AMMECR1: variants seen among roughly 807,000 people sequenced by gnomAD.
AMMECR1 encodes the protein AMMECR nuclear protein 1, also known as nuclear protein AMMECR1.
A neutral mutation model predicts 22.5 loss-of-function variants in AMMECR1; 3 were observed. That is an observed-to-expected ratio of 0.13 (90% confidence interval 0.06 to 0.35). The LOEUF is 0.35. Ranked by LOEUF, AMMECR1 falls within the 10% of genes least tolerant of loss-of-function variation. The pLI, the probability that AMMECR1 is intolerant of heterozygous loss-of-function variation, is 1.00. For missense variants in AMMECR1, 235 were observed against 278.7 expected, an observed-to-expected ratio of 0.84 and a Z score of 1.12; for synonymous variants, 130 against 116.7, an observed-to-expected ratio of 1.11 and a Z score of -0.74.
chrX:110,238,913 G>C (rs928643507), intron 2 of AMMECR1, among the ~76,000 whole-genome samples: 1 of 112,069 alleles, frequency 8.9e-6, no homozygotes, highest in Non-Finnish European at 1.9e-5. Context: ...GACAGGGTCT[G>C]GAGTGGACCT....
intron 1 of AMMECR1, among the ~76,000 whole-genome samples, chrX:110,429,181 T>G (rs1463543804): frequency 8.9e-6 from 1 of 112,124 alleles, no homozygotes; most frequent in African/African-American, 3.2e-5. Context: ...TTTATATGTG[T>G]GTAGTCTTGC....
chrX:110,308,790 C>G (rs1371904533), intron 1 of AMMECR1, among the ~76,000 whole-genome samples: 1 of 110,022 alleles, frequency 9.1e-6, no homozygotes, highest in Non-Finnish European at 1.9e-5. Flanking sequence ...TTGTTTTTGT[C>G]ATTATCATAG....
chrX:110,304,079 A>C (rs2067982088), intron 1 of AMMECR1, among the ~76,000 whole-genome samples: 1 of 112,216 alleles, frequency 8.9e-6, no homozygotes, highest in East Asian at 2.8e-4. Flanking sequence ...TATGCTGCTC[A>C]TTGTAATTCA....
At position 110,335,667 on chromosome X, in the gene AMMECR1, T is replaced by G. The variant is rs185503903; in HGVS notation, c.-147-17818A>C. Among the ~76,000 whole-genome samples the G allele has an allele frequency of 5.5e-4, 62 of 112,068 alleles. 1 individual carries two copies. The East Asian group carries it at 0.014, about 26-fold the overall frequency. On this transcript the variant is annotated intron_variant, in intron 2 of 7. Coordinates refer to the AMMECR1 transcript ENST00000372057. ...TTACCATATCAGTTTCCACTTTACC[T>G]TAGTTGGATAAATTACATCACCCAA...
chrX:110,405,518 T>A (rs2068595245), intron 2 of AMMECR1, among the ~76,000 whole-genome samples: 1 of 112,161 alleles, frequency 8.9e-6, no homozygotes, highest in African/African-American at 3.2e-5. Context: ...TCCCCACTGC[T>A]AATAGAAGAG....
At chrX:110,342,073 G>GA (rs941344268) in intron 2 of AMMECR1, among the ~76,000 whole-genome samples, 19 of 104,660 alleles carry the variant, frequency 1.8e-4, no homozygotes, top group African/African-American at 5.2e-4. Context: ...TTAAAAAACA[G>GA]AAAAAAAAAT....
chrX:110,424,928 C>T (rs891691709), intron 2 of AMMECR1, among the ~76,000 whole-genome samples: 15 of 111,482 alleles, frequency 1.3e-4, no homozygotes, highest in African/African-American at 4.9e-4. Flanking sequence ...AGGCAGTATG[C>T]TAGGTGGTTT....
intron 3 of AMMECR1, among the ~76,000 whole-genome samples, chrX:110,214,726 C>T (rs1293228033): frequency 9.0e-6 from 1 of 111,406 alleles, no homozygotes; most frequent in African/African-American, 3.3e-5. Flanking sequence ...CACATGCACA[C>T]ACACAGAAAC....
intron 3 of AMMECR1, among the ~76,000 whole-genome samples, chrX:110,206,764 T>C (rs948198808): frequency 9.0e-6 from 1 of 111,593 alleles, no homozygotes; most frequent in Non-Finnish European, 1.9e-5. Flanking sequence ...CATCCTGTTT[T>C]AGCAAATACC....
At chrX:110,280,919 A>G (rs1208261895) in intron 1 of AMMECR1, among the ~76,000 whole-genome samples, 1 of 112,166 alleles carries the variant, frequency 8.9e-6, no homozygotes, top group East Asian at 2.8e-4. Flanking sequence ...AAGTTTATCA[A>G]GATCTCAGTT....
intron 2 of AMMECR1, among the ~76,000 whole-genome samples, chrX:110,245,590 T>C (rs12115909): frequency 0.039 from 4,285 of 111,082 alleles, 217 homozygotes; most frequent in African/African-American, 0.13. Flanking sequence ...AAAAGGACTT[T>C]TAAAAATTTG....
chrX:110,242,454 T>C (rs761862005), intron 2 of AMMECR1, among the ~76,000 whole-genome samples: 70 of 111,561 alleles, frequency 6.3e-4, no homozygotes, highest in African/African-American at 2.1e-3. Context: ...ATCTCCAAAA[T>C]AGTATTGGCC....
intron 2 of AMMECR1, among the ~76,000 whole-genome samples, chrX:110,227,742 A>G (rs2067541294): frequency 8.9e-6 from 1 of 111,966 alleles, no homozygotes; most frequent in South Asian, 3.9e-4. Flanking sequence ...GGCGAGGCCA[A>G]GTCTGACAAG....
intron 1 of AMMECR1, among the ~76,000 whole-genome samples, chrX:110,314,091 G>A (rs1446254349): frequency 9.0e-6 from 1 of 111,587 alleles, no homozygotes; most frequent in Admixed American, 9.5e-5. Context: ...AAGCACTATA[G>A]ATTATGATGT....
intron 2 of AMMECR1, among the ~76,000 whole-genome samples, chrX:110,233,365 AG>A (rs1369351819): frequency 8.9e-6 from 1 of 112,010 alleles, no homozygotes; most frequent in Non-Finnish European, 1.9e-5. Context: ...AAAAAAGTCC[AG>A]GACCAGATGA....
At chrX:110,359,716 T>C (rs1354643274) in intron 2 of AMMECR1, among the ~76,000 whole-genome samples, 1 of 111,977 alleles carries the variant, frequency 8.9e-6, no homozygotes, top group Non-Finnish European at 1.9e-5. Context: ...GTATAAAAAT[T>C]GTTGCTCTTA....
At position 110,317,994 on chromosome X, in the gene AMMECR1, G is replaced by C; in HGVS notation, c.78C>G (p.Gly26=). 8.3e-7 allele frequency: 1 copy of C among 1,202,992 alleles called. No individual in the cohort carries two copies. The highest frequency in any genetic ancestry group is 1.1e-6 in the Non-Finnish European group (1 of 891,843). ...SPPSGSGGGG[G]ASSSSHCSGE... is the part of the protein sequence containing the mutation. ...CGCTGCAGTGGGAGGAGGAGGAGGC[G>C]CCACCACCGCCACCCGAGCCAGAGG... Residue 26 remains glycine, a synonymous_variant, in exon 1 of 6, where the codon GGC becomes GGG. Coordinates refer to ENST00000262844, the MANE Select transcript of AMMECR1 (RefSeq NM_015365.3).
chrX:110,219,912 TA>T (rs1038242414), intron 2 of AMMECR1, among the ~76,000 whole-genome samples: 1 of 111,950 alleles, frequency 8.9e-6, no homozygotes, highest in African/African-American at 3.2e-5. Context: ...TGTAAATTTC[TA>T]GGGAAATGAA....
intron 2 of AMMECR1, among the ~76,000 whole-genome samples, chrX:110,420,554 T>C (rs2068709624): frequency 8.9e-6 from 1 of 112,021 alleles, no homozygotes; most frequent in South Asian, 3.8e-4. Flanking sequence ...AGGTTTCATT[T>C]TGTCATCGGT....
Sources: allele counts gnomAD v4.1 joint callset (sites outside exome capture counted in the v4.1 genomes callset), GRCh38; gene constraint gnomAD v4.1.1; transcripts MANE v1.5; gene names NCBI Gene and HGNC (gene_info 2026-07-23, HGNC 2026-07-21).